CHN2: variants seen among roughly 807,000 people sequenced by gnomAD.
CHN2 encodes chimerin 2, also known as beta-chimaerin.
In CHN2, 35 loss-of-function variants were observed where a neutral mutation model predicts 56.3. The observed-to-expected ratio is 0.62, with a 90% CI of 0.47 to 0.82. The LOEUF (loss-of-function observed/expected upper bound fraction) is 0.82. Among genes scored for constraint, CHN2 ranks in the 40% least tolerant of loss-of-function variants. The probability of loss-of-function intolerance (pLI) is 0.00; values close to 1 mark genes in which losing one functional copy is unlikely to be tolerated. For synonymous variants in CHN2, 210 were observed against 212.8 expected, an observed-to-expected ratio of 0.99 and a Z score of 0.12; for missense variants, 491 against 580.5, an observed-to-expected ratio of 0.85 and a Z score of 1.58.
intron 1 of CHN2, among the ~76,000 whole-genome samples, chr7:29,265,120 G>C (rs1410348230): frequency 6.6e-6 from 1 of 152,136 alleles, no homozygotes; most frequent in Non-Finnish European, 1.5e-5. Context: ...ACGGCATCAT[G>C]GGCTGCCCTT....
intron 1 of CHN2, among the ~76,000 whole-genome samples, chr7:29,337,154 A>G (rs1368176563): frequency 6.6e-6 from 1 of 152,156 alleles, no homozygotes; most frequent in East Asian, 1.9e-4. Context: ...ATGTTTGTTA[A>G]ATGGAGAGAG....
chr7:29,276,132 T>G (rs1285999629), intron 1 of CHN2, among the ~76,000 whole-genome samples: 1 of 148,834 alleles, frequency 6.7e-6, no homozygotes, highest in Non-Finnish European at 1.5e-5. Flanking sequence ...CTTTAATGAG[T>G]AAATCATTGA....
At chr7:29,201,409 T>C (rs1054018530) in intron 1 of CHN2, among the ~76,000 whole-genome samples, 1 of 152,092 alleles carries the variant, frequency 6.6e-6, no homozygotes, top group Non-Finnish European at 1.5e-5. Flanking sequence ...GAGAATTTCT[T>C]GTAGACTTTT....
rs1798203248 is a variant in CHN2, at chr7:29,182,634, C to A, written c.274+35674C>A. ...TTCAAATACTTTGTCTACACAATTA[C>A]GTACACTCATGTCTAAAAATACAAA... On this transcript the variant is annotated intron_variant, in intron 2 of 6. Transcript: ENST00000439384. Among the ~76,000 whole-genome samples, 5 of 152,300 alleles carry A rather than the reference C, an allele frequency of 3.3e-5. No homozygotes were observed. The South Asian group carries it at 1.0e-3, about 32-fold the overall frequency.
chr7:29,356,842 C>T (rs763393873), intron 2 of CHN2, among the ~76,000 whole-genome samples: 3 of 152,178 alleles, frequency 2.0e-5, no homozygotes, highest in Non-Finnish European at 4.4e-5. Context: ...GTGTGAAGAG[C>T]TCTGACAGTA....
intron 2 of CHN2, among the ~76,000 whole-genome samples, chr7:29,156,992 C>G (rs1423707667): frequency 2.0e-5 from 3 of 152,168 alleles, no homozygotes; most frequent in African/African-American, 7.2e-5. Flanking sequence ...CTTTTTCACA[C>G]ATTGGTCCAC....
At chr7:29,358,746 G>A (rs945434382) in intron 2 of CHN2, among the ~76,000 whole-genome samples, 3 of 152,140 alleles carry the variant, frequency 2.0e-5, no homozygotes, top group Non-Finnish European at 4.4e-5. Flanking sequence ...TTACAGGAGT[G>A]AGCCACCGCG....
chr7:29,388,737 A>T (rs1028547977), intron 3 of CHN2, among the ~76,000 whole-genome samples: 3 of 152,146 alleles, frequency 2.0e-5, no homozygotes, highest in African/African-American at 7.2e-5. Context: ...GAGGGCACAC[A>T]CTTATGGCCT....
At chr7:29,496,570 G>A (rs755616667) in intron 8 of CHN2, among the ~76,000 whole-genome samples, 4 of 151,958 alleles carry the variant, frequency 2.6e-5, no homozygotes, top group Non-Finnish European at 4.4e-5. Flanking sequence ...ACGCAGTAAG[G>A]AATAGAATAT....
At chr7:29,329,054 T>C (rs1409376048) in intron 1 of CHN2, among the ~76,000 whole-genome samples, 2 of 152,122 alleles carry the variant, frequency 1.3e-5, no homozygotes, top group East Asian at 3.9e-4. Flanking sequence ...CTTTTAGCAG[T>C]TTCACAACTG....
chr7:29,239,579 C>A (rs1314890993), intron 1 of CHN2, among the ~76,000 whole-genome samples: 1 of 152,220 alleles, frequency 6.6e-6, no homozygotes, highest in African/African-American at 2.4e-5. Flanking sequence ...AGCCTTCATT[C>A]AACCCTACCT....
At chr7:29,174,749 A>G (rs1170494535) in intron 2 of CHN2, among the ~76,000 whole-genome samples, 1 of 152,036 alleles carries the variant, frequency 6.6e-6, no homozygotes. Flanking sequence ...AATCCCAGCT[A>G]CTTGGGAGGC....
At chr7:29,419,498 T>C (rs1053094269) in intron 6 of CHN2, among the ~76,000 whole-genome samples, 14 of 152,054 alleles carry the variant, frequency 9.2e-5, no homozygotes, top group Non-Finnish European at 1.6e-4. Context: ...ATATCAAACT[T>C]AAAATTTTCT....
chr7:29,350,593 C>T (rs1180915045), intron 1 of CHN2, among the ~76,000 whole-genome samples: 1 of 152,016 alleles, frequency 6.6e-6, no homozygotes, highest in Non-Finnish European at 1.5e-5. Flanking sequence ...TGACAACAGC[C>T]CTGGAACTTA....
chr7:29,405,856 C>A (rs544804532), intron 6 of CHN2, among the ~76,000 whole-genome samples: 19 of 152,348 alleles, frequency 1.2e-4, no homozygotes, highest in African/African-American at 4.6e-4. Context: ...TTCACTGTTT[C>A]CATCATGTGA....
At chr7:29,311,227 T>A (rs868238279) in intron 1 of CHN2, among the ~76,000 whole-genome samples, 1 of 152,316 alleles carries the variant, frequency 6.6e-6, no homozygotes, top group Middle Eastern at 3.4e-3. Context: ...GGCTTTCACT[T>A]ACACCGTTCC....
chr7:29,367,869 T>C (rs1293533915), intron 2 of CHN2, 63 bp from the exon 3 acceptor site: 1 of 1,388,888 alleles, frequency 7.2e-7, no homozygotes, highest in Non-Finnish European at 9.9e-7. Context: ...GAAGGCACGT[T>C]GATATGTGTT....
chr7:29,509,421 C>T lies in CHN2; in HGVS notation c.1235+15C>T, dbSNP rs771070601. 20 of 1,595,244 alleles carry T rather than the reference C, an allele frequency of 1.3e-5. No individual in the cohort carries two copies. The South Asian group carries it at 1.7e-4, about 13-fold the overall frequency. On this transcript the variant is annotated intron_variant, in intron 12 of 12. Coordinates refer to ENST00000222792, the MANE Select transcript of CHN2 (RefSeq NM_004067.4). The stretch of plus-strand genomic sequence containing the variant: ...CACCTCAAAAAGTAAGCTCATGTCT[C>T]GTGCACAAAGCCTGCTCTGCTCCTA...
rs558308978 is a variant in CHN2 at position 29,376,723 on chromosome 7, C to T, written c.144+8736C>T. 5.6e-4 allele frequency among the ~76,000 whole-genome samples: 86 copies of T among 152,296 alleles called. 1 individual carries two copies. The South Asian group carries it at 0.017, about 30-fold the overall frequency. ...CTCAGCACTTGTGCTAGACTATTCACGGATTTCAGTGTAGGCACCCATAGC... is the reference window on the plus strand; with the variant it reads ...CTCAGCACTTGTGCTAGACTATTCATGGATTTCAGTGTAGGCACCCATAGC... On this transcript the variant is annotated intron_variant, in intron 3 of 12. Transcript: ENST00000222792.
Sources: gnomAD v4.1 joint callset for allele counts (sites outside exome capture counted in the v4.1 genomes callset) on GRCh38, gnomAD v4.1.1 for gene constraint, MANE v1.5 for transcripts, NCBI Gene and HGNC (gene_info 2026-07-23, HGNC 2026-07-21) for gene names.